The following TNIK variants were observed in gnomAD, a reference collection of about 807,000 sequenced individuals.
TNIK encodes the protein TRAF2 and NCK interacting kinase, also known as TRAF2 and NCK-interacting protein kinase.
Under a neutral mutation model 191.3 loss-of-function variants are expected in TNIK, and 49 were observed. That is an observed-to-expected ratio of 0.26 (90% CI 0.20 to 0.32). The LOEUF (loss-of-function observed/expected upper bound fraction) is 0.32. TNIK is among the 10% of genes least tolerant of loss of function. TNIK has a pLI of 1.00. For missense variants in TNIK, 1,155 were observed against 1,702.3 expected, an observed-to-expected ratio of 0.68 and a Z score of 5.66; for synonymous variants, 594 against 600.9, an observed-to-expected ratio of 0.99 and a Z score of 0.17.
chr3:171,441,609 C>T (rs7624295), intron 1 of TNIK, among the ~76,000 whole-genome samples: 39,097 of 152,070 alleles, frequency 0.26, 5,740 homozygotes, highest in African/African-American at 0.4. Context: ...TGATGCTCCT[C>T]ATGAACACTC....
chr3:171,193,651 C>T (rs1738324569), intron 5 of TNIK, among the ~76,000 whole-genome samples: 1 of 152,102 alleles, frequency 6.6e-6, no homozygotes, highest in Admixed American at 6.5e-5. Flanking sequence ...ATCCATCCAC[C>T]CAAAGCATAC....
At chr3:171,322,789 C>T (rs1755298388) in intron 2 of TNIK, among the ~76,000 whole-genome samples, 1 of 144,504 alleles carries the variant, frequency 6.9e-6, no homozygotes, top group Non-Finnish European at 1.5e-5. Context: ...AAAGCTTTGG[C>T]TTTGTTATTA....
chr3:171,421,896 T>G (rs1723852694), intron 1 of TNIK, among the ~76,000 whole-genome samples: 1 of 151,834 alleles, frequency 6.6e-6, no homozygotes, highest in African/African-American at 2.4e-5. Context: ...CAAGCCTGGA[T>G]AATTTTTGTA....
At chr3:171,394,467 C>A (rs539523122) in intron 1 of TNIK, among the ~76,000 whole-genome samples, 9 of 152,162 alleles carry the variant, frequency 5.9e-5, no homozygotes, top group Non-Finnish European at 1.3e-4. Flanking sequence ...TAATTTGGGG[C>A]TCTTGATCTA....
chr3:171,153,959 G>A lies in TNIK; in HGVS notation c.1221+3501C>T, dbSNP rs545969054. On this transcript the variant is annotated intron_variant, in intron 12 of 32. Coordinates refer to ENST00000436636, the MANE Select transcript of TNIK (RefSeq NM_015028.4). ...GCCTGTTTCCCTCACAGATCTAATC[G>A]TCACAATGGGAGACTGTATTTCTAG... 3.1e-4 allele frequency among the ~76,000 whole-genome samples: 47 copies of A among 152,228 alleles called. 1 individual carries two copies. The highest frequency in any genetic ancestry group is 9.9e-4 in the African/African-American group (41 of 41,550).
intron 10 of TNIK, among the ~76,000 whole-genome samples, chr3:171,162,885 T>C (rs998567060): frequency 1.3e-5 from 2 of 152,194 alleles, no homozygotes; most frequent in African/African-American, 4.8e-5. Context: ...ATATGCTAAA[T>C]AGCAGTACAT....
intron 2 of TNIK, among the ~76,000 whole-genome samples, chr3:171,362,464 A>G (rs1302007388): frequency 6.6e-6 from 1 of 152,230 alleles, no homozygotes; most frequent in Non-Finnish European, 1.5e-5. Context: ...AAGCATACAT[A>G]AAAACCAATA....
At chr3:171,083,431 A>G (rs61791149) in intron 26 of TNIK, among the ~76,000 whole-genome samples, 15,002 of 152,202 alleles carry the variant, frequency 0.099, 835 homozygotes, top group Middle Eastern at 0.16. Context: ...ATCCAAGCCT[A>G]GTATTTTCAG....
At chr3:171,177,281 C>CA in intron 8 of TNIK, 45 bp downstream of exon 8, 2 of 1,582,922 alleles carry the variant, frequency 1.3e-6, no homozygotes, top group Non-Finnish European at 1.7e-6. Flanking sequence ...TCAGTACCTG[C>CA]AGAGCAGACC....
chr3:171,269,872 T>A lies in TNIK; in HGVS notation c.124-41651A>T, dbSNP rs537593751. On this transcript the variant is annotated intron_variant, in intron 2 of 32. Coordinates refer to ENST00000436636, the MANE Select transcript of TNIK (RefSeq NM_015028.4). ...GGGGAGGGACTACTAAGGCAATTCTTCTAAGGCAAGAACCTCAAATATTTT... is the reference window on the plus strand; with the variant it reads ...GGGGAGGGACTACTAAGGCAATTCTACTAAGGCAAGAACCTCAAATATTTT... Among the ~76,000 whole-genome samples the A allele has an allele frequency of 2.6e-5, 4 of 152,356 alleles. No homozygotes were observed. The South Asian group carries it at 8.3e-4, about 32-fold the overall frequency.
chr3:171,120,475 C>G (rs975117118), intron 18 of TNIK, among the ~76,000 whole-genome samples: 5 of 152,070 alleles, frequency 3.3e-5, no homozygotes, highest in Non-Finnish European at 7.4e-5. Flanking sequence ...CGCCTGCCAC[C>G]ATGCTCGACT....
At chr3:171,340,307 G>A (rs1224057077) in intron 2 of TNIK, among the ~76,000 whole-genome samples, 1 of 152,030 alleles carries the variant, frequency 6.6e-6, no homozygotes, top group East Asian at 1.9e-4. Flanking sequence ...CATTACTTTT[G>A]TAATGTAAAT....
At chr3:171,268,013 C>T (rs1379112403) in intron 2 of TNIK, among the ~76,000 whole-genome samples, 1 of 152,060 alleles carries the variant, frequency 6.6e-6, no homozygotes, top group African/African-American at 2.4e-5. Context: ...CATGACCCTT[C>T]CATTGCACCA....
intron 1 of TNIK, among the ~76,000 whole-genome samples, chr3:171,443,513 C>T (rs1234227905): frequency 1.3e-5 from 2 of 152,166 alleles, no homozygotes; most frequent in Non-Finnish European, 1.5e-5. Flanking sequence ...ATTGTCCCAT[C>T]TAGAGCAGTT....
chr3:171,110,878 CTG>C lies in TNIK; in HGVS notation c.2121-3_2121-2del. 1 of 1,598,770 alleles carries C rather than the reference CTG, an allele frequency of 6.3e-7. No individual in the cohort carries two copies. Among genetic ancestry groups the C allele is most frequent in the Non-Finnish European group, 8.5e-7 (1 of 1,173,292 alleles). ...CTCAGTTCTCCGGAGATCAGGGTTG[CTG>C]TGTGAGTGACAGAGCACACTGGTTA... On this transcript the variant is annotated splice_acceptor_variant and splice_polypyrimidine_tract_variant and intron_variant, in intron 18 of 32. Transcript: ENST00000436636. LOFTEE classifies it high-confidence loss of function.
Position 171,228,289 on chromosome 3 carries a change from TA to T in TNIK, c.124-69del, listed in dbSNP as rs546624564. 1.0e-3 allele frequency: 1,645 copies of T among 1,584,728 alleles called. 38 individuals are homozygous for T. In the South Asian group the frequency reaches 0.017, roughly 16 times the overall value. ...GAATAGTAGCATTCAATTCCAACAA[TA>T]AAGAAAAATTGCTTGGATCAGTGCT... On this transcript the variant is annotated intron_variant, in intron 2 of 32. Transcript: ENST00000436636.
At chr3:171,240,244 C>T (rs1017955906) in intron 2 of TNIK, among the ~76,000 whole-genome samples, 14 of 152,218 alleles carry the variant, frequency 9.2e-5, no homozygotes, top group African/African-American at 2.2e-4. Context: ...CTTCTCTTCT[C>T]GAGCAGGTAT....
Position 171,448,569 on chromosome 3 carries a change from CTT to C in TNIK, c.57+11436_57+11437del, listed in dbSNP as rs79607104. On this transcript the variant is annotated intron_variant, in intron 1 of 32. Coordinates refer to ENST00000436636, the MANE Select transcript of TNIK (RefSeq NM_015028.4). The stretch of plus-strand genomic sequence containing the variant: ...AGGTTACTATAAATATTCATGTACA[CTT>C]TTTTTTTTTTTTTTTTGCATGAATA... Among the ~76,000 whole-genome samples, 359 of 126,294 alleles carry C rather than the reference CTT, an allele frequency of 2.8e-3. 2 individuals are homozygous for C. The highest frequency in any genetic ancestry group is 9.5e-3 in the African/African-American group (320 of 33,542). The allele number at this position is 126,294 out of a possible 152,430, so 82.9% of individuals were successfully genotyped here. A position where few individuals can be genotyped will look rare whatever the true frequency, so the allele number is the denominator to read the frequency against.
chr3:171,066,745 A>G lies in TNIK; in HGVS notation c.3700-10T>C. Reference sequence around the variant, plus strand: ...TGATATTGCCCTGAATCTAGAAGACAAAGAAAAGCCAAGCATTATTCTTTT... The same window carrying G: ...TGATATTGCCCTGAATCTAGAAGACGAAGAAAAGCCAAGCATTATTCTTTT... On this transcript the variant is annotated splice_polypyrimidine_tract_variant and intron_variant, in intron 30 of 32. Transcript: ENST00000436636. 1 of 1,611,620 alleles carries G rather than the reference A, an allele frequency of 6.2e-7. No individual in the cohort carries two copies. Among genetic ancestry groups the G allele is most frequent in the Non-Finnish European group, 8.5e-7 (1 of 1,178,634 alleles).
Sources: allele counts gnomAD v4.1 joint callset (sites outside exome capture counted in the v4.1 genomes callset), GRCh38; gene constraint gnomAD v4.1.1; transcripts MANE v1.5; gene names NCBI Gene and HGNC (gene_info 2026-07-23, HGNC 2026-07-21).